SLC44A5: variants seen among roughly 807,000 people sequenced by gnomAD.
SLC44A5 encodes choline transporter-like protein 5.
Under a neutral mutation model 101.8 loss-of-function variants are expected in SLC44A5, and 57 were observed. The observed-to-expected ratio is 0.56, with a 90% CI of 0.45 to 0.70. The LOEUF (loss-of-function observed/expected upper bound fraction) is 0.70. Ranked by LOEUF, SLC44A5 falls within the 30% of genes least tolerant of loss-of-function variation. The pLI is 0.00. For synonymous variants in SLC44A5, 281 were observed against 290.9 expected, an observed-to-expected ratio of 0.97 and a Z score of 0.35; for missense variants, 737 against 853.1, an observed-to-expected ratio of 0.86 and a Z score of 1.70.
intron 2 of SLC44A5, among the ~76,000 whole-genome samples, chr1:75,515,014 C>T (rs1026245339): frequency 1.3e-4 from 20 of 152,150 alleles, no homozygotes; most frequent in African/African-American, 4.6e-4. Context: ...CAATACATCT[C>T]GGCAATATTA....
At chr1:75,550,102 A>T (rs1229533398) in intron 1 of SLC44A5, among the ~76,000 whole-genome samples, 1 of 152,142 alleles carries the variant, frequency 6.6e-6, no homozygotes, top group Admixed American at 6.6e-5. Context: ...TCAAACAAAG[A>T]CATGTATACA....
At chr1:75,511,176 G>A (rs953095921) in intron 2 of SLC44A5, among the ~76,000 whole-genome samples, 1 of 152,096 alleles carries the variant, frequency 6.6e-6, no homozygotes, top group Non-Finnish European at 1.5e-5. Context: ...AAGAAAAAAT[G>A]GCACAAACCT....
intron 2 of SLC44A5, among the ~76,000 whole-genome samples, chr1:75,475,355 C>T (rs1297167548): frequency 6.6e-6 from 1 of 152,162 alleles, no homozygotes; most frequent in Non-Finnish European, 1.5e-5. Context: ...AGTAGATGAG[C>T]TTTGATATTA....
At chr1:75,646,314 G>T in the SLC44A5 span, among the ~76,000 whole-genome samples, 1 of 150,986 alleles carries the variant, frequency 6.6e-6, no homozygotes, top group African/African-American at 2.4e-5. Flanking sequence ...TCATTGAGCA[G>T]TGGTTTGTAG....
At chr1:75,206,595 T>C (rs1276832908) in intron 23 of SLC44A5, 1 of 1,517,766 alleles carries the variant, frequency 6.6e-7, no homozygotes, top group Non-Finnish European at 9.1e-7. Flanking sequence ...AGTGACACTG[T>C]TTGGAGCTTT....
At position 75,319,715 on chromosome 1, in the gene SLC44A5, GTTTGGATTGTC is replaced by G. The variant is rs1655996412; in HGVS notation, c.102-19041_102-19031del. Among the ~76,000 whole-genome samples the G allele has an allele frequency of 2.0e-5, 3 of 152,144 alleles. No individual in the cohort carries two copies. In the South Asian group the frequency reaches 6.2e-4, roughly 32 times the overall value. ...TGTTTAACTATAATGAAGGGTTATA[GTTTGGATTGTC>G]TTAGCATGGATCACAGGGAATAGAA... On this transcript the variant is annotated intron_variant, in intron 4 of 23. Coordinates refer to ENST00000370859, the MANE Select transcript of SLC44A5 (RefSeq NM_001130058.2).
chr1:75,329,253 C>G (rs1267383237), intron 4 of SLC44A5, among the ~76,000 whole-genome samples: 1 of 152,152 alleles, frequency 6.6e-6, no homozygotes, highest in Non-Finnish European at 1.5e-5. Context: ...GCTTCCTTTC[C>G]CTTCTTTTCA....
chr1:75,376,200 T>G lies in SLC44A5; in HGVS notation c.52+20383A>C, dbSNP rs1361087742. On this transcript the variant is annotated intron_variant, in intron 3 of 23. Transcript: ENST00000370859. Reference sequence around the variant, plus strand: ...CAGAGGGTCCTACGCCCATGGAGTCTCGCTGATTGCTAGCACAGCAGTCTG... The same window carrying G: ...CAGAGGGTCCTACGCCCATGGAGTCGCGCTGATTGCTAGCACAGCAGTCTG... Among the ~76,000 whole-genome samples, 4 of 152,220 alleles carry G rather than the reference T, an allele frequency of 2.6e-5. No individual in the cohort carries two copies. The South Asian group carries it at 8.3e-4, about 31-fold the overall frequency.
intron 2 of SLC44A5, among the ~76,000 whole-genome samples, chr1:75,520,063 G>A (rs1183420734): frequency 6.6e-6 from 1 of 152,226 alleles, no homozygotes; most frequent in Non-Finnish European, 1.5e-5. Context: ...ATCACACTCT[G>A]AACTGACTTT....
chr1:75,296,463 C>A (rs1557633800), intron 5 of SLC44A5, among the ~76,000 whole-genome samples: 1 of 151,394 alleles, frequency 6.6e-6, no homozygotes, highest in Non-Finnish European at 1.5e-5. Context: ...CAGGCTCTGG[C>A]TTAAGGTCTA....
chr1:75,303,044 A>C (rs2100876508), intron 4 of SLC44A5, among the ~76,000 whole-genome samples: 1 of 152,340 alleles, frequency 6.6e-6, no homozygotes, highest in Non-Finnish European at 1.5e-5. Context: ...GCAAAACTTC[A>C]AATAAGGGAG....
chr1:75,212,097 G>C (rs180757184), intron 22 of SLC44A5, among the ~76,000 whole-genome samples: 8 of 152,258 alleles, frequency 5.3e-5, no homozygotes, highest in African/African-American at 1.7e-4. Flanking sequence ...CAAGCAAAGA[G>C]ATTTTGCCAA....
chr1:75,236,886 T>C, intron 11 of SLC44A5, 101 bp downstream of exon 11: 1 of 617,004 alleles, frequency 1.6e-6, no homozygotes, highest in Non-Finnish European at 2.8e-6. Context: ...CCAGTACATT[T>C]CTTTTATTCA....
intron 5 of SLC44A5, among the ~76,000 whole-genome samples, chr1:75,297,036 G>A (rs550439322): frequency 1.3e-5 from 2 of 152,184 alleles, no homozygotes; most frequent in Admixed American, 6.5e-5. Flanking sequence ...ACTCCTCCAC[G>A]TAGCTGCTAC....
the SLC44A5 span, among the ~76,000 whole-genome samples, chr1:75,662,706 C>T: frequency 0.017 from 2,590 of 152,048 alleles, 24 homozygotes; most frequent in Non-Finnish European, 0.025. Flanking sequence ...TTTTGCCTTT[C>T]ACAATTAGAA....
At chr1:75,678,880 T>G in the SLC44A5 span, among the ~76,000 whole-genome samples, 1 of 152,038 alleles carries the variant, frequency 6.6e-6, no homozygotes, top group East Asian at 1.9e-4. Context: ...TTTAGAAGAA[T>G]GTATAACTAG....
intron 2 of SLC44A5, among the ~76,000 whole-genome samples, chr1:75,476,879 T>C (rs543654570): frequency 9.0e-4 from 137 of 152,340 alleles, no homozygotes; most frequent in African/African-American, 3.2e-3. Flanking sequence ...TGTTCCTGTC[T>C]GACAGCTTTG....
the SLC44A5 span, among the ~76,000 whole-genome samples, chr1:75,689,397 G>A: frequency 6.6e-6 from 1 of 152,188 alleles, no homozygotes; most frequent in Non-Finnish European, 1.5e-5. Flanking sequence ...TGTCTGTTGA[G>A]TGAAAGGAGG....
intron 4 of SLC44A5, among the ~76,000 whole-genome samples, chr1:75,330,106 TACAC>T (rs59962302): frequency 0.016 from 2,083 of 128,530 alleles, 37 homozygotes; most frequent in African/African-American, 0.047. Flanking sequence ...TATATATATA[TACAC>T]ACACACACAC....
Sources: allele counts gnomAD v4.1 joint callset (sites outside exome capture counted in the v4.1 genomes callset), GRCh38; gene constraint gnomAD v4.1.1; transcripts MANE v1.5; gene names NCBI Gene and HGNC (gene_info 2026-07-23, HGNC 2026-07-21).